Variants in WWOX observed in about 807,000 individuals in gnomAD.
WWOX encodes the protein WW domain-containing oxidoreductase.
A neutral mutation model predicts 46.2 loss-of-function variants in WWOX; 69 were observed. That is an observed-to-expected ratio of 1.49 (90% CI 1.23 to 1.82). WWOX has a LOEUF of 1.82. Ranked by LOEUF, WWOX falls within the 40% of genes most tolerant of loss-of-function variation. The pLI is 0.00. For synonymous variants in WWOX, 359 were observed against 202.6 expected (o/e 1.77, Z -6.56); for missense variants, 919 against 542.6 (o/e 1.69, Z -6.89).
chr16:79,198,982 G>T (rs994636342), intron 8 of WWOX, among the ~76,000 whole-genome samples: 1 of 152,148 alleles, frequency 6.6e-6, no homozygotes, highest in Non-Finnish European at 1.5e-5. Context: ...CATGTGATTT[G>T]GTTCAGCTCC....
intron 4 of WWOX, among the ~76,000 whole-genome samples, chr16:78,138,837 A>G (rs2151705071): frequency 1.3e-5 from 2 of 152,302 alleles, no homozygotes; most frequent in Middle Eastern, 6.8e-3. Flanking sequence ...AAGTGCTCAA[A>G]ATGGGGCTTC....
At chr16:78,602,103 T>G (rs1459744946) in intron 8 of WWOX, among the ~76,000 whole-genome samples, 1 of 152,238 alleles carries the variant, frequency 6.6e-6, no homozygotes, top group Non-Finnish European at 1.5e-5. Context: ...CTGTTGGGCT[T>G]ATTACACGCT....
chr16:78,950,022 T>C (rs192177394), intron 8 of WWOX, among the ~76,000 whole-genome samples: 3 of 152,172 alleles, frequency 2.0e-5, no homozygotes, highest in Admixed American at 6.5e-5. Context: ...TTGTAGACTT[T>C]CCAAGGCTGT....
intron 8 of WWOX, among the ~76,000 whole-genome samples, chr16:78,826,819 C>G (rs576900268): frequency 1.5e-4 from 23 of 152,248 alleles, no homozygotes; most frequent in African/African-American, 5.3e-4. Flanking sequence ...CACAGCCACC[C>G]CTCTCACCAG....
At chr16:78,314,709 T>TG (rs533016049) in intron 5 of WWOX, among the ~76,000 whole-genome samples, 14,372 of 77,226 alleles carry the variant, frequency 0.19, 922 homozygotes, top group East Asian at 0.39. Context: ...TTGTTTTTTT[T>TG]TTTTTTTTTT....
At chr16:78,928,856 A>T (rs1326742030) in intron 8 of WWOX, among the ~76,000 whole-genome samples, 1 of 152,174 alleles carries the variant, frequency 6.6e-6, no homozygotes, top group Admixed American at 6.5e-5. Context: ...AGAGAATTAT[A>T]ATGTGTTTTG....
chr16:78,928,583 C>A (rs1453859569), intron 8 of WWOX, among the ~76,000 whole-genome samples: 1 of 151,792 alleles, frequency 6.6e-6, no homozygotes. Context: ...GCTTTGGGGG[C>A]CTGTTAAAAT....
intron 5 of WWOX, among the ~76,000 whole-genome samples, chr16:78,377,682 G>C (rs765628243): frequency 7.9e-5 from 12 of 152,084 alleles, no homozygotes; most frequent in Admixed American, 2.0e-4. Context: ...GGAAGGTTTT[G>C]GATTATTTTC....
rs1429243946 is a variant in WWOX at position 78,191,806 on chromosome 16, A to G, written c.516+27517A>G. 2.6e-5 allele frequency among the ~76,000 whole-genome samples: 4 copies of G among 152,224 alleles called. No individual in the cohort carries two copies. In the East Asian group the frequency reaches 7.7e-4, roughly 29 times the overall value. On this transcript the variant is annotated intron_variant, in intron 5 of 8. Transcript: ENST00000566780. ...GGAAAAATGAACTGGAATAATTATT[A>G]GAACAGTTCTCAGAATTTACAGGAT...
At chr16:78,770,719 C>G (rs910973244) in intron 8 of WWOX, among the ~76,000 whole-genome samples, 2 of 151,610 alleles carry the variant, frequency 1.3e-5, no homozygotes, top group Non-Finnish European at 2.9e-5. Flanking sequence ...AGCTTCGCAC[C>G]AGAACCCGTC....
chr16:78,928,481 C>T (rs1224425259), intron 8 of WWOX, among the ~76,000 whole-genome samples: 1 of 152,122 alleles, frequency 6.6e-6, no homozygotes, highest in African/African-American at 2.4e-5. Flanking sequence ...GGATTACAGG[C>T]GTGAGCCACC....
chr16:78,955,617 T>A (rs1024881964), intron 8 of WWOX, among the ~76,000 whole-genome samples: 6 of 152,040 alleles, frequency 3.9e-5, no homozygotes, highest in East Asian at 1.9e-4. Context: ...ATATTTTTTT[T>A]ATTTTCTTGT....
chr16:79,134,652 C>G (rs1464693064), intron 8 of WWOX, among the ~76,000 whole-genome samples: 1 of 152,152 alleles, frequency 6.6e-6, no homozygotes, highest in East Asian at 1.9e-4. Context: ...GAAACATATA[C>G]ACATTTAGGT....
chr16:78,918,945 A>C (rs1221447101), intron 8 of WWOX, among the ~76,000 whole-genome samples: 37 of 152,140 alleles, frequency 2.4e-4, no homozygotes, highest in Non-Finnish European at 2.9e-5. Context: ...TGTGGTAAGA[A>C]GAGTACCTTT....
intron 8 of WWOX, among the ~76,000 whole-genome samples, chr16:78,926,959 C>G (rs942394326): frequency 6.6e-6 from 1 of 151,996 alleles, no homozygotes; most frequent in African/African-American, 2.4e-5. Context: ...ATGACACCTG[C>G]CTAATTTTGT....
At chr16:79,071,532 C>G (rs932763709) in intron 8 of WWOX, among the ~76,000 whole-genome samples, 7 of 152,290 alleles carry the variant, frequency 4.6e-5, no homozygotes, top group African/African-American at 1.7e-4. Context: ...CTCTCCTTGT[C>G]TAGGAGAGCT....
chr16:78,912,049 G>A (rs960069534), intron 8 of WWOX, among the ~76,000 whole-genome samples: 9 of 152,002 alleles, frequency 5.9e-5, no homozygotes, highest in South Asian at 2.1e-4. Flanking sequence ...AGCTACCTAG[G>A]TTCTGAGTCC....
At chr16:78,183,191 G>C (rs949979372) in intron 5 of WWOX, among the ~76,000 whole-genome samples, 2 of 152,096 alleles carry the variant, frequency 1.3e-5, no homozygotes, top group Non-Finnish European at 2.9e-5. Flanking sequence ...TGCCCTAAGT[G>C]TGGAGACAGA....
chr16:79,061,348 C>G (rs1010892348), intron 8 of WWOX, among the ~76,000 whole-genome samples: 1 of 152,136 alleles, frequency 6.6e-6, no homozygotes, highest in African/African-American at 2.4e-5. Flanking sequence ...CAAGATTACT[C>G]CCGTCTAAGG....
Sources: gnomAD v4.1 joint callset for allele counts (sites outside exome capture counted in the v4.1 genomes callset) on GRCh38, gnomAD v4.1.1 for gene constraint, MANE v1.5 for transcripts, NCBI Gene and HGNC (gene_info 2026-07-23, HGNC 2026-07-21) for gene names.